The following LRRTM4 variants were observed in gnomAD, a reference collection of about 807,000 sequenced individuals.
LRRTM4 encodes the protein leucine rich repeat transmembrane neuronal 4, also known as leucine-rich repeat transmembrane neuronal protein 4.
In LRRTM4, 25 loss-of-function variants were observed where a neutral mutation model predicts 47.6. The ratio of observed to expected loss-of-function variants is 0.53; its 90% CI spans 0.38 to 0.73. The LOEUF is 0.73. Ranked by LOEUF, LRRTM4 falls within the 30% of genes least tolerant of loss-of-function variation. LRRTM4 has a pLI of 0.00. For synonymous variants in LRRTM4, 311 were observed against 269.5 expected, an observed-to-expected ratio of 1.15 and a Z score of -1.51; for missense variants, 638 against 713.4, an observed-to-expected ratio of 0.89 and a Z score of 1.20.
At position 76,916,384 on chromosome 2, in the gene LRRTM4, C is replaced by CAAAAAAAAAAA. The variant is rs57874749; in HGVS notation, c.1552-167479_1552-167469dup. On this transcript the variant is annotated intron_variant, in intron 3 of 3. Coordinates refer to ENST00000409884, the MANE Select transcript of LRRTM4 (RefSeq NM_001134745.3). ...TGGGCGACAGAGCGAGACTGTGTCT[C>CAAAAAAAAAAA]AAAAAAAAAAAAAAAAAAAAAAAGA... Among the ~76,000 whole-genome samples the CAAAAAAAAAAA allele has an allele frequency of 3.9e-4, 21 of 53,502 alleles. 1 individual carries two copies. Among genetic ancestry groups the CAAAAAAAAAAA allele is most frequent in the African/African-American group, 8.8e-4 (11 of 12,560 alleles). 35.1% of individuals were successfully genotyped at this position (53,502 alleles called of 152,430 possible). A position where few individuals can be genotyped will look rare whatever the true frequency, so the allele number is the denominator to read the frequency against.
chr2:77,327,181 A>G (rs1670807423), intron 3 of LRRTM4, among the ~76,000 whole-genome samples: 1 of 152,200 alleles, frequency 6.6e-6, no homozygotes, highest in South Asian at 2.1e-4. Context: ...AGCTACTTAT[A>G]CCTATTGTGG....
At chr2:76,807,932 C>CTTTCTTTCTTTCTTTCTTT (rs547545547) in intron 3 of LRRTM4, among the ~76,000 whole-genome samples, 1 of 123,082 alleles carries the variant, frequency 8.1e-6, no homozygotes, top group African/African-American at 3.4e-5. Flanking sequence ...TCTTTCCTTT[C>CTTTCTTTCTTTCTTTCTTT]CTTTCTTTCT....
intron 3 of LRRTM4, among the ~76,000 whole-genome samples, chr2:77,503,554 G>A (rs1443022108): frequency 6.6e-6 from 1 of 151,620 alleles, no homozygotes; most frequent in Non-Finnish European, 1.5e-5. Context: ...AAGCAACAGA[G>A]AAATAACATG....
intron 3 of LRRTM4, among the ~76,000 whole-genome samples, chr2:76,968,913 C>A (rs1202664638): frequency 2.6e-5 from 4 of 151,820 alleles, no homozygotes; most frequent in African/African-American, 9.7e-5. Flanking sequence ...TAAAACCTAG[C>A]TCCTCCGTCA....
Position 77,522,150 on chromosome 2 carries a change from A to C in LRRTM4, c.-189T>G, listed in dbSNP as rs76575493. ...TGCTGGCTTTTGCCATTCCCAGATAAAGCAATTCATCCTCTGGATTTTCAG... is the reference window on the plus strand; with the variant it reads ...TGCTGGCTTTTGCCATTCCCAGATACAGCAATTCATCCTCTGGATTTTCAG... On this transcript the variant is annotated 5_prime_UTR_variant, in exon 1 of 4. Coordinates refer to ENST00000409884, the MANE Select transcript of LRRTM4 (RefSeq NM_001134745.3). The C allele has an allele frequency of 7.0e-5, 50 of 715,658 alleles. No homozygotes were observed. The East Asian group carries it at 1.3e-3, about 18-fold the overall frequency. 44.3% of individuals were successfully genotyped at this position (715,658 alleles called of 1,614,324 possible).
intron 3 of LRRTM4, among the ~76,000 whole-genome samples, chr2:76,806,172 G>T (rs1219117369): frequency 1.3e-5 from 2 of 152,074 alleles, no homozygotes; most frequent in African/African-American, 4.8e-5. Flanking sequence ...CAAATGAGTG[G>T]GAAAGGGCTT....
chr2:77,274,253 G>A (rs938680182), intron 3 of LRRTM4, among the ~76,000 whole-genome samples: 2 of 151,978 alleles, frequency 1.3e-5, no homozygotes, highest in African/African-American at 4.8e-5. Flanking sequence ...ATCACGAAAA[G>A]GTTAATGAGC....
intron 3 of LRRTM4, among the ~76,000 whole-genome samples, chr2:77,325,798 A>G (rs1326592380): frequency 1.3e-5 from 2 of 152,160 alleles, no homozygotes; most frequent in African/African-American, 4.8e-5. Flanking sequence ...AGCTTTATCT[A>G]TGGTTGACTC....
At chr2:77,338,910 T>G (rs187794847) in intron 3 of LRRTM4, among the ~76,000 whole-genome samples, 1 of 151,924 alleles carries the variant, frequency 6.6e-6, no homozygotes, top group Non-Finnish European at 1.5e-5. Flanking sequence ...CCATGGAATG[T>G]CATGCAGCCA....
intron 3 of LRRTM4, among the ~76,000 whole-genome samples, chr2:77,255,453 C>T (rs1675739335): frequency 1.3e-5 from 2 of 151,950 alleles, no homozygotes; most frequent in South Asian, 4.1e-4. Flanking sequence ...CTCTACCCAT[C>T]AACAGGAGAT....
chr2:77,386,632 G>A (rs1257919376), intron 3 of LRRTM4, among the ~76,000 whole-genome samples: 2 of 152,084 alleles, frequency 1.3e-5, no homozygotes, highest in African/African-American at 4.8e-5. Context: ...TGGGATTGCT[G>A]GGTCAAATGG....
At chr2:77,040,343 G>A (rs933917179) in intron 3 of LRRTM4, among the ~76,000 whole-genome samples, 3 of 151,198 alleles carry the variant, frequency 2.0e-5, no homozygotes, top group East Asian at 1.9e-4. Flanking sequence ...TGGTGCACAC[G>A]AAATAACTAA....
chr2:76,867,121 G>A (rs539131206), intron 3 of LRRTM4, among the ~76,000 whole-genome samples: 2 of 152,174 alleles, frequency 1.3e-5, no homozygotes, highest in South Asian at 4.1e-4. Flanking sequence ...AATGCATGTG[G>A]GGGTTAAAAC....
intron 3 of LRRTM4, among the ~76,000 whole-genome samples, chr2:76,862,341 A>T (rs1672337964): frequency 6.6e-6 from 1 of 152,182 alleles, no homozygotes; most frequent in Admixed American, 6.6e-5. Context: ...GCATCATCAG[A>T]AAATGCTATC....
intron 3 of LRRTM4, among the ~76,000 whole-genome samples, chr2:77,170,051 T>C (rs1344557767): frequency 1.3e-5 from 2 of 152,196 alleles, no homozygotes; most frequent in Non-Finnish European, 2.9e-5. Flanking sequence ...GATAGTCCTC[T>C]AAGATGTTGG....
chr2:76,990,722 T>C (rs145405686), intron 3 of LRRTM4, among the ~76,000 whole-genome samples: 5 of 151,784 alleles, frequency 3.3e-5, no homozygotes, highest in African/African-American at 1.2e-4. Context: ...CAACCACTGA[T>C]AGTGCATAGG....
chr2:77,416,210 CT>C (rs1384883769), intron 3 of LRRTM4, among the ~76,000 whole-genome samples: 2 of 151,908 alleles, frequency 1.3e-5, no homozygotes, highest in Admixed American at 6.6e-5. Flanking sequence ...TCCTTTAAGT[CT>C]TGTGGACTTT....
At chr2:77,182,333 AC>A (rs1439248611) in intron 3 of LRRTM4, among the ~76,000 whole-genome samples, 1 of 152,084 alleles carries the variant, frequency 6.6e-6, no homozygotes, top group African/African-American at 2.4e-5. Context: ...AGAAAAGCAA[AC>A]ACTGCATGTT....
At position 76,859,614 on chromosome 2, in the gene LRRTM4, G is replaced by A. The variant is rs577259217; in HGVS notation, c.1552-110698C>T. Reference sequence around the variant, plus strand: ...TATGTGATTAAGTGCAAAATATATAGATAATAAAAAGTTACATAAAAGTTT... The same window carrying A: ...TATGTGATTAAGTGCAAAATATATAAATAATAAAAAGTTACATAAAAGTTT... On this transcript the variant is annotated intron_variant, in intron 3 of 3. Coordinates refer to ENST00000409884, the MANE Select transcript of LRRTM4 (RefSeq NM_001134745.3). Among the ~76,000 whole-genome samples the A allele has an allele frequency of 2.6e-5, 4 of 152,102 alleles. No individual in the cohort carries two copies. In the East Asian group the frequency reaches 7.7e-4, roughly 29 times the overall value.
Sources: allele counts gnomAD v4.1 joint callset (sites outside exome capture counted in the v4.1 genomes callset), GRCh38; gene constraint gnomAD v4.1.1; transcripts MANE v1.5; gene names NCBI Gene and HGNC (gene_info 2026-07-23, HGNC 2026-07-21).